FERMT2: variants seen among roughly 807,000 people sequenced by gnomAD.
FERMT2 encodes the protein FERM domain containing kindlin 2, also known as fermitin family homolog 2.
A neutral mutation model predicts 82.7 loss-of-function variants in FERMT2; 15 were observed. The observed-to-expected ratio is 0.18, with a 90% CI of 0.12 to 0.28. The LOEUF is 0.28. Ranked by LOEUF, FERMT2 falls within the 10% of genes least tolerant of loss-of-function variation. FERMT2 has a pLI of 1.00. For missense variants in FERMT2, 645 were observed against 809.4 expected (o/e 0.80, Z 2.46); for synonymous variants, 274 against 271.5 (o/e 1.01, Z -0.09).
At chr14:52,941,577 GAATT>G (rs1566763528) in intron 2 of FERMT2, among the ~76,000 whole-genome samples, 3 of 152,010 alleles carry the variant, frequency 2.0e-5, no homozygotes, top group African/African-American at 7.2e-5. Flanking sequence ...CAAAATAAAA[GAATT>G]ATTTAAAAAT....
chr14:52,858,086 G>A lies in FERMT2; in HGVS notation c.*291C>T. On this transcript the variant is annotated 3_prime_UTR_variant, in exon 15 of 15. Transcript: ENST00000341590. Reference sequence around the variant, plus strand: ...TAGATGGCTTGTTTCTTACAGTTTGGCTAGCTTAAATCAGTAAATCAGTGA... The same window carrying A: ...TAGATGGCTTGTTTCTTACAGTTTGACTAGCTTAAATCAGTAAATCAGTGA... 1 of 335,800 alleles carries A rather than the reference G, an allele frequency of 3.0e-6. No homozygotes were observed. Among genetic ancestry groups the A allele is most frequent in the East Asian group, 5.4e-5 (1 of 18,582 alleles). 20.8% of individuals were successfully genotyped at this position (335,800 alleles called of 1,614,324 possible).
intron 2 of FERMT2, among the ~76,000 whole-genome samples, chr14:52,926,680 A>C (rs1341822063): frequency 6.6e-6 from 1 of 152,132 alleles, no homozygotes; most frequent in Non-Finnish European, 1.5e-5. Flanking sequence ...ACCCATCACA[A>C]ATACAAGCTT....
In FERMT2 at chr14:52,881,030, C is replaced by T. The variant is rs368018151; in HGVS notation, c.855+6G>A. 21 of 1,586,424 alleles carry T rather than the reference C, an allele frequency of 1.3e-5. No homozygotes were observed. The African/African-American group carries it at 2.0e-4, about 15-fold the overall frequency. ...AAAAAAAAAGATCCCTTTAAACCCT[C>T]GGTACCTTTGGATTCAAATCAAAAA... On this transcript the variant is annotated splice_donor_region_variant and intron_variant, in intron 6 of 14. Transcript: ENST00000341590.
intron 8 of FERMT2, among the ~76,000 whole-genome samples, chr14:52,874,580 TA>T (rs1370739106): frequency 1.3e-5 from 2 of 152,198 alleles, no homozygotes; most frequent in Non-Finnish European, 2.9e-5. Flanking sequence ...TCCCTATACT[TA>T]AAAACCAAAC....
chr14:52,891,863 A>G (rs992097066), intron 4 of FERMT2, among the ~76,000 whole-genome samples: 2 of 152,230 alleles, frequency 1.3e-5, no homozygotes, highest in African/African-American at 4.8e-5. Flanking sequence ...TTAGCCACTT[A>G]GCTTCCCAAC....
At chr14:52,900,281 T>A (rs916525932) in intron 3 of FERMT2, among the ~76,000 whole-genome samples, 2 of 152,062 alleles carry the variant, frequency 1.3e-5, no homozygotes, top group African/African-American at 4.8e-5. Flanking sequence ...CACCCAGTGA[T>A]AGCAACGAAA....
intron 3 of FERMT2, among the ~76,000 whole-genome samples, chr14:52,902,868 C>CAAAAAAAAAAAA: frequency 5.4e-4 from 3 of 5,542 alleles, no homozygotes; most frequent in African/African-American, 1.2e-3. Context: ...GACTCCGTCT[C>CAAAAAAAAAAAA]AAAAAAAAAA....
chr14:52,878,636 G>C lies in FERMT2; in HGVS notation c.909C>G (p.Leu303=). Reference sequence around the variant, plus strand: ...CTTCTGTGCATTCAATCTCTTCCAGGAGAATGGCCCATTTGGCCTGCTCGT... The same window carrying C: ...CTTCTGTGCATTCAATCTCTTCCAGCAGAATGGCCCATTTGGCCTGCTCGT... ...QLYEQAKWAI[L]LEEIECTEEE... Residue 303 remains leucine, a synonymous_variant, in exon 7 of 15, where the codon CTC becomes CTG. Coordinates refer to ENST00000341590, the MANE Select transcript of FERMT2 (RefSeq NM_006832.3). 1.2e-6 allele frequency: 2 copies of C among 1,610,204 alleles called. No homozygotes were observed. Among genetic ancestry groups the C allele is most frequent in the Admixed American group, 1.7e-5 (1 of 59,324 alleles).
Position 52,858,122 on chromosome 14 carries a change from C to T in FERMT2, c.*255G>A. 2 of 425,304 alleles carry T rather than the reference C, an allele frequency of 4.7e-6. No individual in the cohort carries two copies. Among genetic ancestry groups the T allele is most frequent in the South Asian group, 3.5e-5 (1 of 28,306 alleles). 26.3% of individuals were successfully genotyped at this position (425,304 alleles called of 1,614,324 possible). A position where few individuals can be genotyped will look rare whatever the true frequency, so the allele number is the denominator to read the frequency against. On this transcript the variant is annotated 3_prime_UTR_variant, in exon 15 of 15. Coordinates refer to ENST00000341590, the MANE Select transcript of FERMT2 (RefSeq NM_006832.3). ...TCAGTAAATCAGTGATGGTTTGTTCCTGATTTGCCCACTATTTCAGTTTTC... is the reference window on the plus strand; with the variant it reads ...TCAGTAAATCAGTGATGGTTTGTTCTTGATTTGCCCACTATTTCAGTTTTC...
chr14:52,886,491 C>T (rs1378142459), intron 4 of FERMT2, among the ~76,000 whole-genome samples: 1 of 152,070 alleles, frequency 6.6e-6, no homozygotes. Flanking sequence ...CCACAACGCC[C>T]AGCTCTGGGA....
chr14:52,867,078 T>C (rs1885329027), intron 10 of FERMT2, among the ~76,000 whole-genome samples: 1 of 151,882 alleles, frequency 6.6e-6, no homozygotes, highest in South Asian at 2.1e-4. Context: ...TAGATAAAGT[T>C]CATTAAAAAG....
At chr14:52,913,295 C>A (rs535825143) in intron 3 of FERMT2, among the ~76,000 whole-genome samples, 1 of 152,092 alleles carries the variant, frequency 6.6e-6, no homozygotes, top group Middle Eastern at 3.2e-3. Flanking sequence ...ACATTGCAAA[C>A]ACAAAATTCT....
intron 3 of FERMT2, among the ~76,000 whole-genome samples, chr14:52,910,321 A>T (rs77838057): frequency 0.061 from 9,362 of 152,242 alleles, 856 homozygotes; most frequent in African/African-American, 0.2. Flanking sequence ...ATGTATCTAA[A>T]GCCGAAAGAC....
At chr14:52,921,443 C>G (rs7157639) in intron 2 of FERMT2, among the ~76,000 whole-genome samples, 1 of 152,112 alleles carries the variant, frequency 6.6e-6, no homozygotes, top group South Asian at 2.1e-4. Flanking sequence ...ACTTGCTTAA[C>G]AGTGATACTT....
intron 3 of FERMT2, among the ~76,000 whole-genome samples, chr14:52,917,269 TAC>T (rs1033861644): frequency 2.0e-5 from 3 of 150,122 alleles, no homozygotes; most frequent in Admixed American, 2.0e-4. Flanking sequence ...CACACAGAGA[TAC>T]GTGTGTGTGT....
At chr14:52,867,946 T>C (rs537944851) in intron 10 of FERMT2, among the ~76,000 whole-genome samples, 1 of 152,298 alleles carries the variant, frequency 6.6e-6, no homozygotes, top group Non-Finnish European at 1.5e-5. Flanking sequence ...TTACCTTAAT[T>C]TGGATTACTA....
intron 14 of FERMT2, 108 bp from the exon 15 acceptor site, chr14:52,858,658 AT>A: frequency 2.1e-6 from 2 of 959,530 alleles, no homozygotes; most frequent in Non-Finnish European, 3.1e-6. Flanking sequence ...ACACTTGTTG[AT>A]CCTCAAATGA....
chr14:52,920,945 C>T (rs566130884), intron 2 of FERMT2, among the ~76,000 whole-genome samples: 102 of 136,460 alleles, frequency 7.5e-4, no homozygotes, highest in Non-Finnish European at 1.2e-3. Flanking sequence ...GAGATCCTAC[C>T]TCAAGAAAAA....
chr14:52,873,359 TGAAAGTGGG>T (rs1249975230), intron 9 of FERMT2, among the ~76,000 whole-genome samples: 1 of 152,228 alleles, frequency 6.6e-6, no homozygotes, highest in African/African-American at 2.4e-5. Context: ...CTGGCAGGAC[TGAAAGTGGG>T]GGATGTGCTT....
Sources: gnomAD v4.1 joint callset for allele counts (sites outside exome capture counted in the v4.1 genomes callset) on GRCh38, gnomAD v4.1.1 for gene constraint, MANE v1.5 for transcripts, NCBI Gene and HGNC (gene_info 2026-07-23, HGNC 2026-07-21) for gene names.